Variants in KCNIP1 observed in about 807,000 individuals in gnomAD.
KCNIP1 encodes the protein A-type potassium channel modulatory protein KCNIP1.
KCNIP1 carries 18 observed loss-of-function variants against 33.0 expected under a neutral mutation model. That is an observed-to-expected ratio of 0.55 (90% CI 0.38 to 0.81). The LOEUF (loss-of-function observed/expected upper bound fraction) is 0.81, where lower values mean the gene tolerates loss of function less well. Among genes scored for constraint, KCNIP1 ranks in the 30% least tolerant of loss-of-function variants. The pLI is 0.00. For missense variants in KCNIP1, 238 were observed against 271.6 expected (o/e 0.88, Z 0.87); for synonymous variants, 93 against 98.3 (o/e 0.95, Z 0.32).
intron 1 of KCNIP1, among the ~76,000 whole-genome samples, chr5:170,610,720 A>G (rs1452526852): frequency 6.6e-6 from 1 of 152,238 alleles, no homozygotes; most frequent in African/African-American, 2.4e-5. Context: ...ATGGGCTAAC[A>G]GACCGTATGC....
chr5:170,618,192 G>A (rs1759462533), intron 1 of KCNIP1, among the ~76,000 whole-genome samples: 2 of 152,028 alleles, frequency 1.3e-5, no homozygotes. Flanking sequence ...AAAATGGGAT[G>A]GTTTAAATGC....
At chr5:170,401,468 A>C (rs1375456514) in intron 1 of KCNIP1, among the ~76,000 whole-genome samples, 1 of 152,186 alleles carries the variant, frequency 6.6e-6, no homozygotes. Context: ...TGATTTTTTA[A>C]AAATCAGCAT....
At chr5:170,571,088 G>A (rs922071117) in intron 1 of KCNIP1, among the ~76,000 whole-genome samples, 1 of 152,204 alleles carries the variant, frequency 6.6e-6, no homozygotes, top group Admixed American at 6.5e-5. Flanking sequence ...GAGGACTGCT[G>A]CAAAAATGTT....
In KCNIP1 at chr5:170,410,338, C is replaced by T. The variant is rs556141433; in HGVS notation, c.88+56374C>T. ...ACACAGTGAAGGTGTACCAGGTCCC[C>T]CACTCAGGAGATCGCAGACACAGTG... On this transcript the variant is annotated intron_variant, in intron 1 of 7. Transcript: ENST00000377360. Among the ~76,000 whole-genome samples, 3 of 151,226 alleles carry T rather than the reference C, an allele frequency of 2.0e-5. No individual in the cohort carries two copies. In the South Asian group the frequency reaches 6.3e-4, roughly 32 times the overall value.
intron 1 of KCNIP1, among the ~76,000 whole-genome samples, chr5:170,705,929 T>C (rs1385772769): frequency 1.3e-5 from 2 of 152,212 alleles, no homozygotes; most frequent in Non-Finnish European, 2.9e-5. Context: ...ATGTAGAGCA[T>C]CTTACATACC....
At chr5:170,693,074 C>T (rs2113819142) in intron 1 of KCNIP1, among the ~76,000 whole-genome samples, 1 of 152,288 alleles carries the variant, frequency 6.6e-6, no homozygotes, top group Middle Eastern at 3.4e-3. Context: ...GTGTCCCCAC[C>T]ACTCCTTTTT....
intron 1 of KCNIP1, among the ~76,000 whole-genome samples, chr5:170,421,334 T>C (rs1349190340): frequency 6.6e-6 from 1 of 152,226 alleles, no homozygotes; most frequent in Non-Finnish European, 1.5e-5. Context: ...TTTCGCCATG[T>C]GGTTGTGTGA....
At chr5:170,595,094 G>A (rs1384226737) in intron 1 of KCNIP1, among the ~76,000 whole-genome samples, 2 of 152,150 alleles carry the variant, frequency 1.3e-5, no homozygotes, top group Non-Finnish European at 1.5e-5. Context: ...GGCCACCAAA[G>A]TCCAAGCATC....
chr5:170,444,751 G>A (rs1383583768), intron 1 of KCNIP1, among the ~76,000 whole-genome samples: 2 of 151,308 alleles, frequency 1.3e-5, no homozygotes, highest in Non-Finnish European at 2.9e-5. Context: ...TAGACCTCAG[G>A]ACTAAGTACC....
At position 170,548,780 on chromosome 5, in the gene KCNIP1, T is replaced by C. The variant is rs140634013; in HGVS notation, c.61+44147T>C. On this transcript the variant is annotated intron_variant, in intron 1 of 7. Coordinates refer to ENST00000328939, the MANE Select transcript of KCNIP1 (RefSeq NM_014592.4). ...TACCTACTGGGTTTCTAAGCATATT[T>C]TGTGGTTAACATCAGAGGCCAGGAG... 5.9e-5 allele frequency among the ~76,000 whole-genome samples: 9 copies of C among 152,342 alleles called. 1 individual carries two copies. Among genetic ancestry groups the C allele is most frequent in the African/African-American group, 2.2e-4 (9 of 41,578 alleles).
intron 1 of KCNIP1, among the ~76,000 whole-genome samples, chr5:170,477,556 C>T (rs1756884977): frequency 6.6e-6 from 1 of 152,108 alleles, no homozygotes; most frequent in African/African-American, 2.4e-5. Flanking sequence ...AATTCTCCTG[C>T]CTCAGCCTCC....
At chr5:170,624,489 T>G (rs1759736596) in intron 1 of KCNIP1, among the ~76,000 whole-genome samples, 1 of 152,084 alleles carries the variant, frequency 6.6e-6, no homozygotes, top group African/African-American at 2.4e-5. Context: ...TTCCTCTCCA[T>G]TTTACAATCA....
chr5:170,712,931 C>T, intron 1 of KCNIP1: 1 of 1,497,128 alleles, frequency 6.7e-7, no homozygotes, highest in Non-Finnish European at 9.3e-7. Context: ...ACATGACTTG[C>T]AAAGGCAGAG....
intron 1 of KCNIP1, among the ~76,000 whole-genome samples, chr5:170,585,168 T>A (rs1191506517): frequency 1.3e-5 from 2 of 149,084 alleles, no homozygotes; most frequent in African/African-American, 5.0e-5. Flanking sequence ...GAAAAAAAAA[T>A]CTGAGTTGAA....
At chr5:170,685,644 G>A (rs1050319971) in intron 1 of KCNIP1, among the ~76,000 whole-genome samples, 8 of 151,778 alleles carry the variant, frequency 5.3e-5, no homozygotes, top group African/African-American at 1.5e-4. Flanking sequence ...ATGTGCCACC[G>A]TGCCTGGCTA....
chr5:170,447,904 C>G (rs1016846200), intron 1 of KCNIP1, among the ~76,000 whole-genome samples: 1 of 151,780 alleles, frequency 6.6e-6, no homozygotes, highest in African/African-American at 2.4e-5. Flanking sequence ...TTTCTCTCAC[C>G]TGGAGCAGGC....
chr5:170,440,073 T>G (rs1489224159), intron 1 of KCNIP1, among the ~76,000 whole-genome samples: 2 of 152,206 alleles, frequency 1.3e-5, no homozygotes, highest in East Asian at 3.8e-4. Flanking sequence ...CCTCATCCCA[T>G]GTGACTTGTA....
At chr5:170,629,429 C>T (rs73317382) in intron 1 of KCNIP1, among the ~76,000 whole-genome samples, 12,436 of 152,294 alleles carry the variant, frequency 0.082, 1,136 homozygotes, top group African/African-American at 0.22. Flanking sequence ...CCCGGACAGC[C>T]AAGCCCTGAT....
At chr5:170,355,661 C>T (rs921254652) in intron 1 of KCNIP1, among the ~76,000 whole-genome samples, 1 of 152,166 alleles carries the variant, frequency 6.6e-6, no homozygotes, top group East Asian at 1.9e-4. Flanking sequence ...AGAGGCAGGG[C>T]TGAGAAGGTG....
Sources: allele counts gnomAD v4.1 joint callset (sites outside exome capture counted in the v4.1 genomes callset), GRCh38; gene constraint gnomAD v4.1.1; transcripts MANE v1.5; gene names NCBI Gene and HGNC (gene_info 2026-07-23, HGNC 2026-07-21).